GAK: variants seen among roughly 807,000 people sequenced by gnomAD.
The protein encoded by GAK is cyclin G associated kinase.
GAK carries 79 observed loss-of-function variants against 143.9 expected under a neutral mutation model. The observed-to-expected ratio is 0.55, with a 90% CI of 0.46 to 0.66. The LOEUF is 0.66. GAK is among the 30% of genes least tolerant of loss of function. The pLI is 0.00. For missense variants in GAK, 1,693 were observed against 1,779.7 expected, an observed-to-expected ratio of 0.95 and a Z score of 0.88; for synonymous variants, 881 against 765.5, an observed-to-expected ratio of 1.15 and a Z score of -2.49.
intron 5 of GAK, among the ~76,000 whole-genome samples, chr4:899,280 C>T (rs1476336123): frequency 1.3e-5 from 2 of 152,226 alleles, no homozygotes; most frequent in Non-Finnish European, 2.9e-5. Flanking sequence ...GCTTCTTCAA[C>T]AAGACAGACA....
At chr4:905,608 CA>C (rs1720941555) in intron 4 of GAK, among the ~76,000 whole-genome samples, 1 of 151,774 alleles carries the variant, frequency 6.6e-6, no homozygotes, top group Non-Finnish European at 1.5e-5. Flanking sequence ...CGGACTCCGC[CA>C]AACCAGGCCA....
chr4:898,147 C>T lies in GAK; in HGVS notation c.537G>A (p.Leu179=). 1 of 1,614,080 alleles carries T rather than the reference C, an allele frequency of 6.2e-7. No individual in the cohort carries two copies. Among genetic ancestry groups the T allele is most frequent in the Non-Finnish European group, 8.5e-7 (1 of 1,179,940 alleles). Residue 179 remains leucine, a synonymous_variant, in exon 6 of 28, where the codon TTG becomes TTA. Transcript: ENST00000314167. ...TAATGGTCCCTTGGTTACTAAGCAA[C>T]AAGTTCTCAACCTGTAAAATTCCAC... ...IIHRDLKVEN[L]LLSNQGTIKL...
intron 7 of GAK, among the ~76,000 whole-genome samples, chr4:895,361 G>A (rs80249620): frequency 1.8e-3 from 276 of 152,344 alleles, no homozygotes; most frequent in Middle Eastern, 0.014. Flanking sequence ...AGCTCACACC[G>A]GGACCCCAGG....
In GAK at chr4:898,030, C is replaced by T. The variant is rs1432884368; in HGVS notation, c.651+3G>A. ...CCCCCAGCATAGGCCCCACTCAGCT[C>T]ACCTCTTCCTCCACCAGGGCTCGCC... On this transcript the variant is annotated splice_donor_region_variant and intron_variant, in intron 6 of 27. Coordinates refer to ENST00000314167, the MANE Select transcript of GAK (RefSeq NM_005255.4). The T allele has an allele frequency of 6.2e-7, 1 of 1,611,628 alleles. No individual in the cohort carries two copies. The highest frequency in any genetic ancestry group is 8.5e-7 in the Non-Finnish European group (1 of 1,178,962).
Position 932,264 on chromosome 4 carries a change from C to T in GAK, c.-77G>A. On this transcript the variant is annotated 5_prime_UTR_variant, in exon 1 of 28. Coordinates refer to ENST00000314167, the MANE Select transcript of GAK (RefSeq NM_005255.4). This position sits in a 1 kb window ranked among gnomAD's most constrained non-coding sequence, Gnocchi z 4.0. ...CCCGCTCCCTCGCCGTCCGGGTCAG[C>T]TCAGCAACCGCCGGCCCGGAGGTGC... 7.0e-7 allele frequency: 1 copy of T among 1,426,226 alleles called. No homozygotes were observed. The highest frequency in any genetic ancestry group is 2.9e-5 in the East Asian group (1 of 34,708). The allele number at this position is 1,426,226 out of a possible 1,614,324, so 88.3% of individuals were successfully genotyped here. A position where few individuals can be genotyped will look rare whatever the true frequency, so the allele number is the denominator to read the frequency against.
intron 5 of GAK, among the ~76,000 whole-genome samples, chr4:903,618 C>T (rs1318480255): frequency 2.1e-5 from 3 of 146,184 alleles, no homozygotes; most frequent in East Asian, 2.0e-4. Context: ...AGCAGGAATG[C>T]GGGGCCTGAA....
intron 4 of GAK, among the ~76,000 whole-genome samples, chr4:905,158 G>C (rs1720827116): frequency 1.3e-5 from 2 of 152,180 alleles, no homozygotes; most frequent in Non-Finnish European, 2.9e-5. Context: ...GAAACCTCTA[G>C]GGGGTATTTG....
chr4:890,408 T>A, intron 10 of GAK, 124 bp downstream of exon 10: 1 of 643,866 alleles, frequency 1.6e-6, no homozygotes, highest in Non-Finnish European at 2.6e-6. Context: ...GACCTCACAG[T>A]CATCTCTGGT....
intron 18 of GAK, among the ~76,000 whole-genome samples, chr4:873,658 ACCT>A (rs901939923): frequency 2.3e-4 from 35 of 152,040 alleles, no homozygotes; most frequent in Middle Eastern, 3.4e-3. Context: ...GTCACCCGTC[ACCT>A]CCTGCCTTGG....
At chr4:872,984 G>A (rs1295686310) in intron 18 of GAK, among the ~76,000 whole-genome samples, 2 of 151,690 alleles carry the variant, frequency 1.3e-5, no homozygotes, top group African/African-American at 2.4e-5. Flanking sequence ...CACGGCGCAG[G>A]CTCACCACGC....
intron 18 of GAK, among the ~76,000 whole-genome samples, chr4:876,000 C>G (rs1462067490): frequency 1.3e-5 from 2 of 149,776 alleles, no homozygotes; most frequent in African/African-American, 2.5e-5. Context: ...GCCTGCTCTG[C>G]TGCTCACCGC....
At position 867,164 on chromosome 4, in the gene GAK, G is replaced by A. The variant is rs376010644; in HGVS notation, c.2664C>T (p.Ser888=). The change falls in exon 21 of 28, where the codon TCC becomes TCT. Residue 888 remains serine (S), a synonymous_variant. Transcript: ENST00000314167. The part of the protein sequence containing the change: ...EDGVDLLGLH[S]EVGAGPAVPP... ...GTACAGCTGGCCCTGCGCCCACCTC[G>A]GAGTGCAGGCCCAGGAGGTCGACCC... 63 of 1,603,188 alleles carry A rather than the reference G, an allele frequency of 3.9e-5. No individual in the cohort carries two copies. The highest frequency in any genetic ancestry group is 3.1e-4 in the South Asian group (28 of 90,082).
At chr4:859,209 G>A (rs1749824903) in intron 24 of GAK, 2 of 985,364 alleles carry the variant, frequency 2.0e-6, no homozygotes, top group African/African-American at 3.5e-5. Context: ...ACGCAGGACT[G>A]GAGAGGGTGG....
chr4:883,192 C>T (rs1281127512), intron 13 of GAK, 123 bp downstream of exon 13: 1 of 1,171,004 alleles, frequency 8.5e-7, no homozygotes, highest in Non-Finnish European at 1.2e-6. Flanking sequence ...TCTGCAGCCC[C>T]TCAGGAGACC....
At chr4:855,487 T>C (rs547100546) in intron 24 of GAK, among the ~76,000 whole-genome samples, 6 of 152,342 alleles carry the variant, frequency 3.9e-5, no homozygotes, top group African/African-American at 1.4e-4. Flanking sequence ...TCTTTGTAGA[T>C]TGCTTCAGAG....
rs893422899 is a variant in GAK, at chr4:906,673, G to A, written c.383-1894C>T. 1.3e-4 allele frequency among the ~76,000 whole-genome samples: 20 copies of A among 152,156 alleles called. 3 individuals are homozygous for A. The highest frequency in any genetic ancestry group is 1.9e-4 in the East Asian group (1 of 5,176). The stretch of plus-strand genomic sequence containing the variant: ...TCTTGTGCCCCATCTTTTCAGCCCC[G>A]TGCTCCTGCCTCTGCTCTCTACAGA... On this transcript the variant is annotated intron_variant, in intron 4 of 27. Transcript: ENST00000314167.
intron 5 of GAK, among the ~76,000 whole-genome samples, chr4:898,867 A>AG (rs1400417091): frequency 6.6e-6 from 1 of 152,210 alleles, no homozygotes; most frequent in East Asian, 1.9e-4. Flanking sequence ...CGACTCAAAA[A>AG]AAAAAAAGTA....
At position 931,031 on chromosome 4, in the gene GAK, G is replaced by A. The variant is rs141176287; in HGVS notation, c.145+1012C>T. Among the ~76,000 whole-genome samples, 7 of 152,260 alleles carry A rather than the reference G, an allele frequency of 4.6e-5. No individual in the cohort carries two copies. The East Asian group carries it at 5.8e-4, about 13-fold the overall frequency. ...TACAGCAGAATAGAGTTACGCTTCC[G>A]CACCCAAGTCAACTGTGTTTAGCCC... is the stretch of plus-strand genomic sequence containing the variant. On this transcript the variant is annotated intron_variant, in intron 1 of 27. Coordinates refer to ENST00000314167, the MANE Select transcript of GAK (RefSeq NM_005255.4).
At chr4:883,964 C>T (rs1715704961) in intron 12 of GAK, 73 bp downstream of exon 12, 2 of 1,382,872 alleles carry the variant, frequency 1.4e-6, no homozygotes, top group South Asian at 1.2e-5. Flanking sequence ...TGTGCCCTGA[C>T]ACACAACAGG....
Sources: allele counts gnomAD v4.1 joint callset (sites outside exome capture counted in the v4.1 genomes callset), GRCh38; gene constraint gnomAD v4.1.1; non-coding constraint Gnocchi (gnomAD v3.1); transcripts MANE v1.5; gene names NCBI Gene and HGNC (gene_info 2026-07-23, HGNC 2026-07-21).